CPAMD8: variants seen among roughly 807,000 people sequenced by gnomAD.
CPAMD8 encodes the protein C3 and PZP-like alpha-2-macroglobulin domain-containing protein 8.
In CPAMD8, 146 loss-of-function variants were observed where a neutral mutation model predicts 224.7. The observed-to-expected ratio is 0.65, with a 90% confidence interval of 0.57 to 0.75. The LOEUF (loss-of-function observed/expected upper bound fraction) is 0.75. Among genes scored for constraint, CPAMD8 ranks in the 30% least tolerant of loss-of-function variants. The pLI is 0.00. For missense variants in CPAMD8, 2,301 were observed against 2,537.5 expected (o/e 0.91, Z 2.00); for synonymous variants, 966 against 1,044.6 (o/e 0.92, Z 1.45).
chr19:16,987,714 G>A (rs931874396), intron 13 of CPAMD8, among the ~76,000 whole-genome samples: 6 of 152,206 alleles, frequency 3.9e-5, no homozygotes, highest in South Asian at 4.2e-4. Context: ...ACAGTGGCAC[G>A]ATCATGTTTC....
intron 30 of CPAMD8, among the ~76,000 whole-genome samples, chr19:16,906,732 C>T (rs556752353): frequency 5.3e-5 from 8 of 151,972 alleles, no homozygotes; most frequent in East Asian, 3.9e-4. Context: ...GTTTTTGAGA[C>T]GGAGTCTTGC....
intron 26 of CPAMD8, among the ~76,000 whole-genome samples, chr19:16,922,628 T>C (rs78151557): frequency 1.4e-5 from 2 of 146,602 alleles, no homozygotes; most frequent in African/African-American, 5.1e-5. Flanking sequence ...AACTGCCTCA[T>C]ACCACATGTG....
chr19:16,900,782 C>T (rs1056787371), intron 36 of CPAMD8, among the ~76,000 whole-genome samples: 9 of 151,192 alleles, frequency 6.0e-5, no homozygotes, highest in Non-Finnish European at 8.9e-5. Context: ...GAGGCTGAGG[C>T]GGGAGGATTG....
At position 16,897,882 on chromosome 19, in the gene CPAMD8, G is replaced by C; in HGVS notation, c.4954+7C>G. 1 of 1,603,434 alleles carries C rather than the reference G, an allele frequency of 6.2e-7. No individual in the cohort carries two copies. Among genetic ancestry groups the C allele is most frequent in the African/African-American group, 1.3e-5 (1 of 74,870 alleles). ...GCCGGGCCGGGGGTGCGGGCGCGCG[G>C]GCCTACCGGGTTCGTAGTAGTCGTA... is the stretch of plus-strand genomic sequence containing the variant. On this transcript the variant is annotated splice_region_variant and intron_variant, in intron 38 of 41. Transcript: ENST00000443236.
At chr19:16,914,550 C>T (rs760175629) in intron 28 of CPAMD8, 52 bp from the exon 29 acceptor site, 2 of 1,607,098 alleles carry the variant, frequency 1.2e-6, no homozygotes, top group Admixed American at 1.7e-5. Context: ...CAGTCCACTT[C>T]CCCCCACTTC....
At chr19:16,974,443 C>G (rs1350334357) in intron 17 of CPAMD8, among the ~76,000 whole-genome samples, 1 of 151,672 alleles carries the variant, frequency 6.6e-6, no homozygotes, top group Non-Finnish European at 1.5e-5. Flanking sequence ...CTGCCAGACA[C>G]ACAACCAAGT....
chr19:16,897,986 G>A lies in CPAMD8; in HGVS notation c.4857C>T (p.Ser1619=). 1 of 1,609,914 alleles carries A rather than the reference G, an allele frequency of 6.2e-7. No homozygotes were observed. Among genetic ancestry groups the A allele is most frequent in the Non-Finnish European group, 8.5e-7 (1 of 1,178,884 alleles). Residue 1619 remains serine, a synonymous_variant, in exon 38 of 42, where the codon AGC becomes AGT. Transcript: ENST00000443236. ...RVLFYFDEIP[S]RCLTCVRFRA... ...GGAACCGCACGCACGTCAGGCACCG[G>A]CTGGGGATCTGTGGGGCAGCGGCGG...
Position 16,938,429 on chromosome 19 carries a change from C to T in CPAMD8, c.2811G>A (p.Arg937=). 1 of 1,577,836 alleles carries T rather than the reference C, an allele frequency of 6.3e-7. No individual in the cohort carries two copies. Among genetic ancestry groups the T allele is most frequent in the Non-Finnish European group, 8.6e-7 (1 of 1,163,690 alleles). The change falls in exon 23 of 42, where the codon CGG becomes CGA. Residue 937 remains arginine, a synonymous_variant. Coordinates refer to ENST00000443236, the MANE Select transcript of CPAMD8 (RefSeq NM_015692.5). ...SVMVEAEGVP[R]AYTYSAFFCP... ...AGAAGAATGCGCTGTAGGTGTACGC[C>T]CGGGGGACTCCTTCCGCCTGAAACA...
chr19:16,946,601 G>GACA, intron 21 of CPAMD8, among the ~76,000 whole-genome samples: 1 of 148,278 alleles, frequency 6.7e-6, no homozygotes, highest in South Asian at 2.1e-4. Flanking sequence ...ACGTGGGCGT[G>GACA]TGTGTGTGGA....
intron 41 of CPAMD8, chr19:16,895,936 T>G: frequency 3.2e-6 from 2 of 617,108 alleles, no homozygotes; most frequent in Non-Finnish European, 6.0e-6. Flanking sequence ...CACGCGCGCG[T>G]GCGCCCGCGC....
intron 22 of CPAMD8, among the ~76,000 whole-genome samples, chr19:16,941,043 G>C (rs1209126215): frequency 6.6e-6 from 1 of 152,172 alleles, no homozygotes; most frequent in African/African-American, 2.4e-5. Flanking sequence ...CAATTCTCCT[G>C]TCTCAGCCTC....
chr19:17,002,172 C>CA (rs2056346406), intron 9 of CPAMD8, 94 bp downstream of exon 9: 2 of 799,248 alleles, frequency 2.5e-6, no homozygotes, highest in Admixed American at 4.4e-5. Context: ...GGGAGGGAGG[C>CA]AGCAGAGGAG....
At position 16,997,352 on chromosome 19, in the gene CPAMD8, A is replaced by C. The variant is rs1887686963; in HGVS notation, c.868-14T>G. 1 of 1,470,912 alleles carries C rather than the reference A, an allele frequency of 6.8e-7. No homozygotes were observed. The highest frequency in any genetic ancestry group is 9.4e-7 in the Non-Finnish European group (1 of 1,063,776). 91.1% of individuals were successfully genotyped at this position (1,470,912 alleles called of 1,614,324 possible). A position where few individuals can be genotyped will look rare whatever the true frequency, so the allele number is the denominator to read the frequency against. ...GGAGCCGAGGATCTGGAGGGAGGAA[A>C]AACACAGCCCGTGCTCACTCAGGGT... On this transcript the variant is annotated splice_polypyrimidine_tract_variant and intron_variant, in intron 10 of 41. Coordinates refer to ENST00000443236, the MANE Select transcript of CPAMD8 (RefSeq NM_015692.5).
At chr19:16,956,989 T>A (rs79963187) in intron 19 of CPAMD8, among the ~76,000 whole-genome samples, 5,222 of 152,074 alleles carry the variant, frequency 0.034, 139 homozygotes, top group Non-Finnish European at 0.047. Flanking sequence ...ATTGAAAAAA[T>A]TTTTTAACAA....
In CPAMD8 at chr19:16,960,350, C is replaced by T. The variant is rs577595486; in HGVS notation, c.2214-2435G>A. Among the ~76,000 whole-genome samples, 7 of 152,170 alleles carry T rather than the reference C, an allele frequency of 4.6e-5. No individual in the cohort carries two copies. The South Asian group carries it at 1.4e-3, about 32-fold the overall frequency. On this transcript the variant is annotated intron_variant, in intron 18 of 41. Transcript: ENST00000443236. ...GCAAACACAGAGAGATGGAGTGGTTCATCGTGGCACTAGGAAAATTAGCAA... is the reference window on the plus strand; with the variant it reads ...GCAAACACAGAGAGATGGAGTGGTTTATCGTGGCACTAGGAAAATTAGCAA...
rs189784878 is a variant in CPAMD8, at chr19:16,929,092, G to A, written c.2994C>T (p.Ile998=). ...TCTGATGCCCCCCCAGGACGATCTCGATCATGCCTGCTGTGTCCTGGGGCC... is the reference window on the plus strand; with the variant it reads ...TCTGATGCCCCCCCAGGACGATCTCAATCATGCCTGCTGTGTCCTGGGGCC... ...SSGPQDTAGM[I]EIVLGGHQNT... is the part of the protein sequence containing the mutation. The change falls in exon 24 of 42, where the codon ATC becomes ATT. Residue 998 remains isoleucine (I), a synonymous_variant. Transcript: ENST00000443236. The A allele has an allele frequency of 5.3e-5, 86 of 1,614,062 alleles. No individual in the cohort carries two copies. The highest frequency in any genetic ancestry group is 4.9e-4 in the East Asian group (22 of 44,882).
chr19:17,018,715 A>ACACAC (rs1568609661), intron 3 of CPAMD8, among the ~76,000 whole-genome samples: 3 of 108,062 alleles, frequency 2.8e-5, no homozygotes, highest in African/African-American at 1.6e-4. Flanking sequence ...CTCTACTAAA[A>ACACAC]ATACACACAC....
intron 22 of CPAMD8, among the ~76,000 whole-genome samples, chr19:16,939,461 G>A (rs940831117): frequency 1.3e-5 from 2 of 152,028 alleles, no homozygotes; most frequent in Admixed American, 6.6e-5. Flanking sequence ...CGCCTGCCTC[G>A]GCCTCCGAAA....
chr19:16,971,751 A>T (rs951119692), intron 17 of CPAMD8, among the ~76,000 whole-genome samples: 1 of 152,144 alleles, frequency 6.6e-6, no homozygotes, highest in African/African-American at 2.4e-5. Flanking sequence ...TTTCATCTCG[A>T]TTAGAAAAAT....
Sources: allele counts gnomAD v4.1 joint callset (sites outside exome capture counted in the v4.1 genomes callset), GRCh38; gene constraint gnomAD v4.1.1; transcripts MANE v1.5; gene names NCBI Gene and HGNC (gene_info 2026-07-23, HGNC 2026-07-21).